The following DHX8 variants were observed in gnomAD, a reference collection of about 807,000 sequenced individuals.
DHX8 encodes DEAH-box helicase 8, also known as ATP-dependent RNA helicase DHX8.
A neutral mutation model predicts 140.7 loss-of-function variants in DHX8; 67 were observed. The observed-to-expected ratio is 0.48, with a 90% CI of 0.39 to 0.58. The LOEUF (loss-of-function observed/expected upper bound fraction) is 0.58. DHX8 is among the 20% of genes least tolerant of loss of function. The pLI is 0.00. For missense variants in DHX8, 887 were observed against 1,550.7 expected (o/e 0.57, Z 7.19); for synonymous variants, 533 against 553.2 (o/e 0.96, Z 0.51).
chr17:43,509,540 G>A (rs1217770714), intron 16 of DHX8, among the ~76,000 whole-genome samples: 2 of 150,058 alleles, frequency 1.3e-5, no homozygotes, highest in Non-Finnish European at 2.9e-5. Flanking sequence ...GTGGAGTGCA[G>A]TGATGTGATC....
chr17:43,505,373 C>T (rs1264894506), intron 12 of DHX8, among the ~76,000 whole-genome samples: 2 of 151,978 alleles, frequency 1.3e-5, no homozygotes, highest in African/African-American at 2.4e-5. Flanking sequence ...CACGCCGCTG[C>T]ACTCCAGCCT....
rs1174775760 is a variant in DHX8, at chr17:43,520,655, T to C, written c.2938-96T>C. 10 of 1,457,112 alleles carry C rather than the reference T, an allele frequency of 6.9e-6. No homozygotes were observed. In the East Asian group the frequency reaches 1.8e-4, roughly 27 times the overall value. The allele number at this position is 1,457,112 out of a possible 1,614,324, so 90.3% of individuals were successfully genotyped here. ...AAGGCATCATTATGCTTTGGGAAAA[T>C]CTGTGTTGTTACCCACTCTGACCAA... On this transcript the variant is annotated intron_variant, in intron 19 of 22. Transcript: ENST00000262415.
At chr17:43,542,165 A>AGATC (rs1971557685) in intron 3 of DHX8, among the ~76,000 whole-genome samples, 1 of 152,316 alleles carries the variant, frequency 6.6e-6, no homozygotes, top group South Asian at 2.1e-4. Flanking sequence ...AGGGGAGCGC[A>AGATC]GATCGATCGA....
intron 3 of DHX8, among the ~76,000 whole-genome samples, chr17:43,541,072 C>T (rs1047798480): frequency 4.6e-5 from 7 of 152,088 alleles, no homozygotes; most frequent in East Asian, 3.9e-4. Context: ...CCTCCAGGCC[C>T]GGAATCCAGG....
rs557891723 is a variant in DHX8 at position 43,518,770 on chromosome 17, A to G, written c.2800-1360A>G. 3 of 152,100 alleles carry G rather than the reference A, an allele frequency of 2.0e-5. No individual in the cohort carries two copies. The South Asian group carries it at 6.2e-4, about 32-fold the overall frequency. The allele number at this position is 152,100 out of a possible 1,614,324, so 9.4% of individuals were successfully genotyped here. ...GTAACTCCCCTTTCCCCCTTCCTCT[A>G]TCCCTTGGTAACTACTCTTCTACTT... On this transcript the variant is annotated intron_variant, in intron 18 of 22. Transcript: ENST00000262415.
chr17:43,516,740 C>T (rs1024842705), intron 17 of DHX8, among the ~76,000 whole-genome samples: 12 of 152,176 alleles, frequency 7.9e-5, no homozygotes, highest in African/African-American at 2.7e-4. Flanking sequence ...TAAGCCACGA[C>T]GCTTGGCCTG....
chr17:43,500,661 C>T (rs8075474), intron 11 of DHX8, among the ~76,000 whole-genome samples: 5,231 of 152,014 alleles, frequency 0.034, 318 homozygotes, highest in African/African-American at 0.12. Context: ...TGCTGTAATC[C>T]CAGCACTTTG....
intron 16 of DHX8, among the ~76,000 whole-genome samples, chr17:43,509,536 T>C (rs1310185218): frequency 6.7e-6 from 1 of 150,320 alleles, no homozygotes; most frequent in Non-Finnish European, 1.5e-5. Context: ...CAAGGTGGAG[T>C]GCAGTGATGT....
chr17:43,508,114 A>G, intron 15 of DHX8, 95 bp downstream of exon 15: 2 of 1,285,166 alleles, frequency 1.6e-6, no homozygotes, highest in African/African-American at 1.5e-5. Flanking sequence ...TAATCTTTTT[A>G]AAAACAACTT....
intron 11 of DHX8, among the ~76,000 whole-genome samples, chr17:43,503,645 G>A (rs1205968193): frequency 2.6e-5 from 4 of 151,410 alleles, no homozygotes; most frequent in African/African-American, 7.3e-5. Context: ...CCTGCTGGGC[G>A]TCTGAGCCAG....
At chr17:43,520,397 T>A in intron 19 of DHX8, 130 bp downstream of exon 19, 1 of 1,184,434 alleles carries the variant, frequency 8.4e-7, no homozygotes, top group Non-Finnish European at 1.2e-6. Flanking sequence ...TGTTTGTTTT[T>A]AACCTGAATT....
At chr17:43,520,907 G>T (rs1012444966) in intron 20 of DHX8, 28 bp downstream of exon 20, 5 of 1,588,904 alleles carry the variant, frequency 3.1e-6, no homozygotes, top group Non-Finnish European at 4.3e-6. Flanking sequence ...AAGTTTAGAT[G>T]GGGGTGCCAT....
intron 2 of DHX8, chr17:43,533,054 G>A: frequency 6.7e-7 from 1 of 1,491,896 alleles, no homozygotes; most frequent in Non-Finnish European, 9.0e-7. Context: ...GGGGGTTGGG[G>A]TGTCAGTATT....
rs1052797197 is a variant in DHX8 at position 43,533,756 on chromosome 17, G to A, written c.351-2656G>A. On this transcript the variant is annotated intron_variant, in intron 2 of 3. Coordinates refer to the DHX8 transcript ENST00000589898. ...CAAGTGCTAGAAAATCCTTTCTGTT[G>A]TCTAACTTGCATCTCAGCTGCTGCC... 4 of 1,441,174 alleles carry A rather than the reference G, an allele frequency of 2.8e-6. No homozygotes were observed. In the African/African-American group the frequency reaches 4.4e-5, roughly 16 times the overall value. The allele number at this position is 1,441,174 out of a possible 1,614,324, so 89.3% of individuals were successfully genotyped here.
At chr17:43,509,972 T>C (rs942507018) in intron 16 of DHX8, among the ~76,000 whole-genome samples, 31 of 149,378 alleles carry the variant, frequency 2.1e-4, no homozygotes, top group African/African-American at 7.1e-4. Context: ...CCCAGCCAAT[T>C]TTTGTATTTT....
intron 1 of DHX8, among the ~76,000 whole-genome samples, chr17:43,486,944 G>A (rs1968193771): frequency 6.6e-6 from 1 of 152,072 alleles, no homozygotes; most frequent in Non-Finnish European, 1.5e-5. Flanking sequence ...TTTGGGAGGG[G>A]CTCTTTTGAG....
At chr17:43,533,915 G>A in intron 2 of DHX8, 1 of 1,592,554 alleles carries the variant, frequency 6.3e-7, no homozygotes, top group Non-Finnish European at 8.5e-7. Context: ...TCCTGCTGCA[G>A]GACAGGGCCG....
chr17:43,520,985 T>TG, intron 20 of DHX8, 106 bp downstream of exon 20: 1 of 1,204,064 alleles, frequency 8.3e-7, no homozygotes, highest in Non-Finnish European at 1.1e-6. Flanking sequence ...TTTTTTTTTT[T>TG]TTTGAGATGG....
At chr17:43,496,735 G>A (rs1000312983) in intron 9 of DHX8, among the ~76,000 whole-genome samples, 1 of 151,734 alleles carries the variant, frequency 6.6e-6, no homozygotes, top group Non-Finnish European at 1.5e-5. Context: ...AGCCGAGATC[G>A]CGCCACTGTA....
Sources: gnomAD v4.1 joint callset for allele counts (sites outside exome capture counted in the v4.1 genomes callset) on GRCh38, gnomAD v4.1.1 for gene constraint, MANE v1.5 for transcripts, NCBI Gene and HGNC (gene_info 2026-07-23, HGNC 2026-07-21) for gene names.